TMEM38A: variants seen among roughly 807,000 people sequenced by gnomAD.
The protein encoded by TMEM38A is transmembrane protein 38A.
A neutral mutation model predicts 28.6 loss-of-function variants in TMEM38A; 17 were observed. The ratio of observed to expected loss-of-function variants is 0.60; its 90% confidence interval spans 0.41 to 0.89. The LOEUF (loss-of-function observed/expected upper bound fraction) is 0.89, where lower values mean the gene tolerates loss of function less well. Ranked by LOEUF, TMEM38A falls within the 40% of genes least tolerant of loss-of-function variation. TMEM38A has a pLI of 0.00. For missense variants in TMEM38A, 328 were observed against 393.1 expected (o/e 0.83, Z 1.40); for synonymous variants, 169 against 166.1 (o/e 1.02, Z -0.14).
Position 16,688,742 on chromosome 19 carries a change from T to G in TMEM38A, c.*371T>G. ...GCACAGTGGCTCATGCCTATAATCC[T>G]AGCACTTTGGGAGGCCGAGGCGGGC... On this transcript the variant is annotated 3_prime_UTR_variant, in exon 6 of 6. Coordinates refer to ENST00000187762, the MANE Select transcript of TMEM38A (RefSeq NM_024074.4). 1 of 158,390 alleles carries G rather than the reference T, an allele frequency of 6.3e-6. No homozygotes were observed. The allele number at this position is 158,390 out of a possible 1,614,324, so 9.8% of individuals were successfully genotyped here. A position where few individuals can be genotyped will look rare whatever the true frequency, so the allele number is the denominator to read the frequency against.
intron 1 of TMEM38A, among the ~76,000 whole-genome samples, chr19:16,676,630 C>T (rs368321578): frequency 2.1e-4 from 32 of 151,596 alleles, no homozygotes; most frequent in Middle Eastern, 3.4e-3. Context: ...TAGAAGATTA[C>T]GAAGATACAA....
At chr19:16,666,170 G>A (rs745959344) in intron 1 of TMEM38A, among the ~76,000 whole-genome samples, 4 of 151,832 alleles carry the variant, frequency 2.6e-5, no homozygotes, top group South Asian at 2.1e-4. Context: ...TAGTAGAAAC[G>A]GGGTTTCACC....
At chr19:16,675,588 G>T (rs10409872) in intron 1 of TMEM38A, among the ~76,000 whole-genome samples, 22,505 of 136,196 alleles carry the variant, frequency 0.17, 2,648 homozygotes, top group East Asian at 0.34. Flanking sequence ...TCACTCTGTC[G>T]CCCAGGCTGG....
At chr19:16,688,064 C>T (rs908749007) in intron 5 of TMEM38A, 80 bp from the exon 6 acceptor site, 3 of 1,035,918 alleles carry the variant, frequency 2.9e-6, no homozygotes, top group African/African-American at 1.7e-5. Flanking sequence ...CTCTTCTCCC[C>T]ACCCTGCCCT....
intron 3 of TMEM38A, among the ~76,000 whole-genome samples, chr19:16,681,300 T>A (rs1473960335): frequency 6.6e-6 from 1 of 151,766 alleles, no homozygotes; most frequent in African/African-American, 2.4e-5. Context: ...AAAATTAAAA[T>A]TAAAAAATAA....
chr19:16,677,939 G>C (rs1346206488), intron 1 of TMEM38A, among the ~76,000 whole-genome samples: 1 of 152,100 alleles, frequency 6.6e-6, no homozygotes, highest in Non-Finnish European at 1.5e-5. Context: ...AAACAACAAA[G>C]TTTGTATGGT....
rs757022444 is a variant in TMEM38A at position 16,680,163 on chromosome 19, G to A, written c.281+23G>A. On this transcript the variant is annotated intron_variant, in intron 2 of 5. Transcript: ENST00000187762. The stretch of plus-strand genomic sequence containing the variant: ...CTGGTAAGCCATGCTGGGCATGGGA[G>A]AGCAGAGCCGGGTGGGGGAAACAAC... The A allele has an allele frequency of 3.1e-6, 5 of 1,601,246 alleles. No homozygotes were observed. The South Asian group carries it at 5.5e-5, about 18-fold the overall frequency.
chr19:16,686,227 C>T (rs1371795102), intron 4 of TMEM38A, 61 bp from the exon 5 acceptor site: 7 of 1,321,550 alleles, frequency 5.3e-6, no homozygotes, highest in South Asian at 3.6e-5. Context: ...GTGTCTGGGC[C>T]AGAGTTATGA....
At chr19:16,670,056 G>A (rs1599386224) in intron 1 of TMEM38A, among the ~76,000 whole-genome samples, 1 of 151,732 alleles carries the variant, frequency 6.6e-6, no homozygotes, top group Non-Finnish European at 1.5e-5. Flanking sequence ...CGCAACCTCC[G>A]CCTCATGGGT....
Position 16,688,178 on chromosome 19 carries a change from C to A in TMEM38A, c.707C>A (p.Pro236His). The A allele has an allele frequency of 2.7e-6, 4 of 1,472,094 alleles. No homozygotes were observed. Among genetic ancestry groups the A allele is most frequent in the Middle Eastern group, 1.8e-4 (1 of 5,470 alleles). The allele number at this position is 1,472,094 out of a possible 1,614,324, so 91.2% of individuals were successfully genotyped here. Residue 236 changes from proline to histidine, a missense_variant, in exon 6 of 6, where the codon CCC becomes CAC. Coordinates refer to ENST00000187762, the MANE Select transcript of TMEM38A (RefSeq NM_024074.4). ...ACAGCCACCCACTCACACAGCTCCCCCTTTGATGCCCTGGAGGGCTACATC... is the reference window on the plus strand; with the variant it reads ...ACAGCCACCCACTCACACAGCTCCCACTTTGATGCCCTGGAGGGCTACATC... The part of the protein sequence containing the change: ...FLTATHSHSS[P>H]FDALEGYICP...
At chr19:16,673,914 C>G (rs1009943944) in intron 1 of TMEM38A, among the ~76,000 whole-genome samples, 9 of 150,630 alleles carry the variant, frequency 6.0e-5, no homozygotes, top group Admixed American at 4.6e-4. Context: ...ACAGTGAGAT[C>G]CTATCTTTAC....
chr19:16,676,755 C>CTTTTTTT (rs960732087), intron 1 of TMEM38A, among the ~76,000 whole-genome samples: 2 of 119,274 alleles, frequency 1.7e-5, no homozygotes, highest in Non-Finnish European at 1.7e-5. Context: ...TTTTCATGAC[C>CTTTTTTT]TTTTTTTTTT....
intron 1 of TMEM38A, among the ~76,000 whole-genome samples, chr19:16,670,291 T>TTGG (rs2086721505): frequency 6.6e-6 from 1 of 150,526 alleles, no homozygotes; most frequent in African/African-American, 2.4e-5. Flanking sequence ...TTTTTTTTTT[T>TTGG]GAGACAGAGT....
At chr19:16,679,409 T>C (rs1470504482) in intron 1 of TMEM38A, among the ~76,000 whole-genome samples, 2 of 151,902 alleles carry the variant, frequency 1.3e-5, no homozygotes, top group Non-Finnish European at 2.9e-5. Context: ...GTGATTCTCC[T>C]GTCAGCCTCC....
chr19:16,667,784 G>A (rs1200289606), intron 1 of TMEM38A, among the ~76,000 whole-genome samples: 1 of 151,814 alleles, frequency 6.6e-6, no homozygotes, highest in Non-Finnish European at 1.5e-5. Flanking sequence ...GCTTGAACGC[G>A]GGAGGTGGAG....
intron 1 of TMEM38A, among the ~76,000 whole-genome samples, chr19:16,672,326 A>T (rs1263976806): frequency 6.6e-6 from 1 of 151,940 alleles, no homozygotes; most frequent in African/African-American, 2.4e-5. Context: ...TAAAACAGGG[A>T]TGTCCAATCT....
chr19:16,666,533 A>G (rs1484046754), intron 1 of TMEM38A, among the ~76,000 whole-genome samples: 3 of 152,120 alleles, frequency 2.0e-5, no homozygotes, highest in African/African-American at 2.4e-5. Flanking sequence ...GGCTCAAGCA[A>G]TCCTCCCACC....
chr19:16,677,267 A>G (rs1240783831), intron 1 of TMEM38A, among the ~76,000 whole-genome samples: 3 of 152,186 alleles, frequency 2.0e-5, no homozygotes, highest in Non-Finnish European at 2.9e-5. Context: ...CATCTTATGT[A>G]ATGATAGTGC....
chr19:16,670,270 T>G (rs557621266), intron 1 of TMEM38A, among the ~76,000 whole-genome samples: 20 of 143,528 alleles, frequency 1.4e-4, no homozygotes, highest in Admixed American at 1.4e-4. Context: ...GCCCGGCCTG[T>G]TTTTTGTTTT....
Sources: gnomAD v4.1 joint callset for allele counts (sites outside exome capture counted in the v4.1 genomes callset) on GRCh38, gnomAD v4.1.1 for gene constraint, MANE v1.5 for transcripts, NCBI Gene and HGNC (gene_info 2026-07-23, HGNC 2026-07-21) for gene names.